The following PEBP4 variants were observed in gnomAD, a reference collection of about 807,000 sequenced individuals.
The protein encoded by PEBP4 is phosphatidylethanolamine-binding protein 4.
Under a neutral mutation model 23.9 loss-of-function variants are expected in PEBP4, and 22 were observed. That is an observed-to-expected ratio of 0.92 (90% CI 0.66 to 1.31). PEBP4 has a LOEUF of 1.31. Ranked by LOEUF, PEBP4 falls within the 40% of genes most tolerant of loss-of-function variation. PEBP4 has a pLI of 0.00. For synonymous variants in PEBP4, 112 were observed against 99.3 expected, an observed-to-expected ratio of 1.13 and a Z score of -0.76; for missense variants, 324 against 281.7, an observed-to-expected ratio of 1.15 and a Z score of -1.07.
intron 4 of PEBP4, among the ~76,000 whole-genome samples, chr8:22,758,346 AG>A (rs1484082237): frequency 1.3e-5 from 2 of 152,228 alleles, no homozygotes; most frequent in Non-Finnish European, 2.9e-5. Flanking sequence ...GGAAAGGCCC[AG>A]GTAGTAAATA....
At chr8:22,830,569 A>G (rs1167470682) in intron 3 of PEBP4, among the ~76,000 whole-genome samples, 1 of 151,992 alleles carries the variant, frequency 6.6e-6, no homozygotes, top group Non-Finnish European at 1.5e-5. Context: ...CCCACTTTCC[A>G]TCTTCCTTTG....
intron 3 of PEBP4, among the ~76,000 whole-genome samples, chr8:22,907,272 C>T (rs372321683): frequency 7.4e-4 from 112 of 152,210 alleles, no homozygotes; most frequent in African/African-American, 2.6e-3. Context: ...CCAGCCTGGC[C>T]AACATGGTGA....
chr8:22,928,327 T>G (rs56066648), upstream of PEBP4, among the ~76,000 whole-genome samples: 2 of 151,996 alleles, frequency 1.3e-5, no homozygotes, highest in African/African-American at 4.8e-5. Context: ...TGGGGGTAGG[T>G]GCACCCCAGA....
At chr8:22,906,720 T>G (rs1334625512) in intron 3 of PEBP4, among the ~76,000 whole-genome samples, 1 of 152,246 alleles carries the variant, frequency 6.6e-6, no homozygotes, top group Non-Finnish European at 1.5e-5. Context: ...CATCTTCATC[T>G]AATAACATGT....
At chr8:22,908,810 C>T (rs1397097678) in intron 3 of PEBP4, among the ~76,000 whole-genome samples, 3 of 152,152 alleles carry the variant, frequency 2.0e-5, no homozygotes, top group Non-Finnish European at 4.4e-5. Flanking sequence ...CAATCCAGGG[C>T]AAGGTGTGAG....
intron 2 of PEBP4, chr8:22,925,250 G>A (rs1052598769): frequency 1.0e-6 from 1 of 985,312 alleles, no homozygotes; most frequent in Non-Finnish European, 1.2e-6. Flanking sequence ...AAGGTCATAA[G>A]TCTCTTTCTC....
intron 3 of PEBP4, among the ~76,000 whole-genome samples, chr8:22,909,608 G>T (rs1165000689): frequency 1.3e-5 from 2 of 152,132 alleles, no homozygotes; most frequent in Non-Finnish European, 2.9e-5. Flanking sequence ...AGCAGTCCCT[G>T]GAAACACCTC....
intron 4 of PEBP4, among the ~76,000 whole-genome samples, chr8:22,748,883 G>A (rs946763866): frequency 1.3e-5 from 2 of 152,158 alleles, no homozygotes; most frequent in African/African-American, 4.8e-5. Context: ...TGGGGGAAGG[G>A]TGTTGGCCCA....
At chr8:22,733,560 G>A (rs1804783980) in intron 4 of PEBP4, among the ~76,000 whole-genome samples, 2 of 152,044 alleles carry the variant, frequency 1.3e-5, no homozygotes, top group South Asian at 4.1e-4. Flanking sequence ...TGTAGGCAGC[G>A]GCCCACCCAC....
rs866562862 is a variant in PEBP4, at chr8:22,810,677, T to C, written c.357+6960A>G. ...GGGGTGTCTCATGGAGGGGTGTGTGTGTGTGTGTGTGTGTGTGTGTGTGTG... is the reference window on the plus strand; with the variant it reads ...GGGGTGTCTCATGGAGGGGTGTGTGCGTGTGTGTGTGTGTGTGTGTGTGTG... On this transcript the variant is annotated intron_variant, in intron 4 of 6. Coordinates refer to ENST00000256404, the MANE Select transcript of PEBP4 (RefSeq NM_144962.3). Among the ~76,000 whole-genome samples the C allele has an allele frequency of 4.8e-3, 449 of 94,332 alleles. 2 individuals are homozygous for C. Among genetic ancestry groups the C allele is most frequent in the African/African-American group, 0.013 (421 of 32,978 alleles). 61.9% of individuals were successfully genotyped at this position (94,332 alleles called of 152,430 possible).
Position 22,927,844 on chromosome 8 carries a change from A to T in PEBP4, c.-28T>A. 1 of 1,217,898 alleles carries T rather than the reference A, an allele frequency of 8.2e-7. No homozygotes were observed. The highest frequency in any genetic ancestry group is 1.1e-6 in the Non-Finnish European group (1 of 876,814). The allele number at this position is 1,217,898 out of a possible 1,614,324, so 75.4% of individuals were successfully genotyped here. On this transcript the variant is annotated 5_prime_UTR_variant, in exon 1 of 7. Transcript: ENST00000256404. ...AGACCTCTGGTTAAGCACAGGGAGA[A>T]GGACAGGCAGCTTCCAGGGCTCCGC...
At chr8:22,723,329 C>T (rs1804557255) in intron 6 of PEBP4, among the ~76,000 whole-genome samples, 1 of 152,142 alleles carries the variant, frequency 6.6e-6, no homozygotes, top group African/African-American at 2.4e-5. Context: ...AGCCCCAGCA[C>T]GCAGAGTAGG....
intron 4 of PEBP4, among the ~76,000 whole-genome samples, chr8:22,743,754 TCAGCACCTGCCGG>T (rs1230247378): frequency 6.6e-6 from 1 of 152,174 alleles, no homozygotes; most frequent in Admixed American, 6.5e-5. Flanking sequence ...GAAAGAGCAT[TCAGCACCTGCCGG>T]CAGCACCACG....
intron 4 of PEBP4, among the ~76,000 whole-genome samples, chr8:22,772,761 C>T (rs1805741587): frequency 6.6e-6 from 1 of 152,164 alleles, no homozygotes; most frequent in South Asian, 2.1e-4. Context: ...ACCTGAAGGT[C>T]AGCTATCTGA....
intron 3 of PEBP4, among the ~76,000 whole-genome samples, chr8:22,879,560 G>A (rs1243902727): frequency 6.6e-6 from 1 of 152,226 alleles, no homozygotes; most frequent in Admixed American, 6.5e-5. Flanking sequence ...GGTCCAGATA[G>A]GATAGATCAC....
At chr8:22,739,047 C>T (rs1459797695) in intron 4 of PEBP4, among the ~76,000 whole-genome samples, 1 of 152,162 alleles carries the variant, frequency 6.6e-6, no homozygotes, top group South Asian at 2.1e-4. Context: ...AGGCCCCTGG[C>T]AGGGGGCCAG....
intron 4 of PEBP4, among the ~76,000 whole-genome samples, chr8:22,785,535 C>G (rs1304875690): frequency 6.6e-6 from 1 of 152,158 alleles, no homozygotes; most frequent in Non-Finnish European, 1.5e-5. Context: ...GCCATGTGCT[C>G]CCTGGCCACA....
chr8:22,909,242 G>C (rs1405319533), intron 3 of PEBP4, among the ~76,000 whole-genome samples: 1 of 152,156 alleles, frequency 6.6e-6, no homozygotes, highest in Non-Finnish European at 1.5e-5. Flanking sequence ...GAGGCCTGGG[G>C]AGCCACACCT....
chr8:22,769,457 A>T (rs781462491), intron 4 of PEBP4, among the ~76,000 whole-genome samples: 21 of 152,166 alleles, frequency 1.4e-4, no homozygotes, highest in Non-Finnish European at 2.2e-4. Flanking sequence ...CTTAACCCTA[A>T]GCTGCCCCAC....
Sources: gnomAD v4.1 joint callset for allele counts (sites outside exome capture counted in the v4.1 genomes callset) on GRCh38, gnomAD v4.1.1 for gene constraint, MANE v1.5 for transcripts, NCBI Gene and HGNC (gene_info 2026-07-23, HGNC 2026-07-21) for gene names.